Variants in ARID1A observed in about 807,000 individuals in gnomAD.
The protein encoded by ARID1A is AT-rich interactive domain-containing protein 1A.
In ARID1A, 20 loss-of-function variants were observed where a neutral mutation model predicts 212.6. The ratio of observed to expected loss-of-function variants is 0.09; its 90% CI spans 0.07 to 0.14. ARID1A has a LOEUF of 0.14. ARID1A is among the 10% of genes least tolerant of loss of function. The pLI is 1.00. For synonymous variants in ARID1A, 1,376 were observed against 1,222.1 expected, an observed-to-expected ratio of 1.13 and a Z score of -2.63; for missense variants, 2,587 against 3,059.0, an observed-to-expected ratio of 0.85 and a Z score of 3.64.
chr1:26,697,165 C>T lies in ARID1A; in HGVS notation c.762C>T (p.Ser254=), dbSNP rs1190095870. 5.6e-6 allele frequency: 8 copies of T among 1,435,802 alleles called. No individual in the cohort carries two copies. The highest frequency in any genetic ancestry group is 4.5e-5 in the African/African-American group (3 of 66,742). The allele number at this position is 1,435,802 out of a possible 1,614,324, so 88.9% of individuals were successfully genotyped here. The change falls in exon 1 of 20, where the codon TCC becomes TCT. Residue 254 remains serine, a synonymous_variant. Coordinates refer to ENST00000324856, the MANE Select transcript of ARID1A (RefSeq NM_006015.6). ...AAAAGSKPPP[S]SSASASSSSS... The stretch of plus-strand genomic sequence containing the variant: ...CTGCCGGCTCCAAGCCGCCTCCCTC[C>T]TCCAGCGCCTCCGCCTCCTCGTCGT...
In ARID1A at chr1:26,696,175, C is replaced by T. The variant is rs956507618; in HGVS notation, c.-229C>T. Reference sequence around the variant, plus strand: ...GAGCCGGGAGCAGCTGAGCCGCCGGCGCCTCGGCCGCCGCCGCCGCCTCCT... The same window carrying T: ...GAGCCGGGAGCAGCTGAGCCGCCGGTGCCTCGGCCGCCGCCGCCGCCTCCT... On this transcript the variant is annotated 5_prime_UTR_variant, in exon 1 of 20. Coordinates refer to ENST00000324856, the MANE Select transcript of ARID1A (RefSeq NM_006015.6). 2 of 563,582 alleles carry T rather than the reference C, an allele frequency of 3.5e-6. No homozygotes were observed. The highest frequency in any genetic ancestry group is 4.9e-6 in the Non-Finnish European group (2 of 406,312). 34.9% of individuals were successfully genotyped at this position (563,582 alleles called of 1,614,324 possible).
At chr1:26,715,036 A>C (rs2080488698) in intron 1 of ARID1A, among the ~76,000 whole-genome samples, 1 of 152,224 alleles carries the variant, frequency 6.6e-6, no homozygotes, top group Admixed American at 6.5e-5. Flanking sequence ...ACTATGTATT[A>C]GAGAAATTTA....
At chr1:26,756,564 T>TAAA (rs59135556) in intron 4 of ARID1A, among the ~76,000 whole-genome samples, 2 of 129,858 alleles carry the variant, frequency 1.5e-5, no homozygotes, top group East Asian at 2.1e-4. Context: ...CCTGTCTCTT[T>TAAA]AAAAAAAAAA....
intron 4 of ARID1A, among the ~76,000 whole-genome samples, chr1:26,743,145 C>G (rs2080804135): frequency 6.6e-6 from 1 of 152,220 alleles, no homozygotes; most frequent in South Asian, 2.1e-4. Context: ...CATAGTGGAG[C>G]CATCCACAGC....
chr1:26,771,157 C>T lies in ARID1A; in HGVS notation c.3237C>T (p.Asn1079=), dbSNP rs771146935. 1 of 1,614,154 alleles carries T rather than the reference C, an allele frequency of 6.2e-7. No individual in the cohort carries two copies. Among genetic ancestry groups the T allele is most frequent in the South Asian group, 1.1e-5 (1 of 91,084 alleles). The part of the protein sequence containing the change: ...KNKKWRELAT[N]LNVGTSSSAA... ...AAAAATGGCGGGAACTTGCAACCAA[C>T]CTCAATGTGGGCACATCAAGCAGTG... is the stretch of plus-strand genomic sequence containing the variant. Residue 1079 remains asparagine, a synonymous_variant, in exon 12 of 20, where the codon AAC becomes AAT. Transcript: ENST00000324856. This position sits in a 1 kb window ranked among gnomAD's most constrained non-coding sequence, Gnocchi z 5.4.
At chr1:26,700,144 T>G (rs1278949134) in intron 1 of ARID1A, among the ~76,000 whole-genome samples, 1 of 152,178 alleles carries the variant, frequency 6.6e-6, no homozygotes, top group Non-Finnish European at 1.5e-5. Context: ...GCTTCAGGTG[T>G]GTGGTAGTAG....
Position 26,697,484 on chromosome 1 carries a change from C to A in ARID1A, c.1081C>A (p.Pro361Thr). 7.1e-7 allele frequency: 1 copy of A among 1,405,630 alleles called. No individual in the cohort carries two copies. Among genetic ancestry groups the A allele is most frequent in the South Asian group, 1.5e-5 (1 of 65,706 alleles). 87.1% of individuals were successfully genotyped at this position (1,405,630 alleles called of 1,614,324 possible). The change falls in exon 1 of 20, where the codon CCC becomes ACC. Residue 361 changes from proline (P) to threonine (T), a missense_variant. Transcript: ENST00000324856. ...GGCCCAACAAAGGAGCCACCACGCGCCCATGAGCCCCGGGAGCAGCGGCGG... is the reference window on the plus strand; with the variant it reads ...GGCCCAACAAAGGAGCCACCACGCGACCATGAGCCCCGGGAGCAGCGGCGG... ...GGAQQRSHHAPMSPGSSGGGG... is the reference protein window; with the variant it reads ...GGAQQRSHHATMSPGSSGGGG...
chr1:26,698,798 T>G (rs1418395193), intron 1 of ARID1A, among the ~76,000 whole-genome samples: 1 of 152,194 alleles, frequency 6.6e-6, no homozygotes. Flanking sequence ...TTTTATTGAG[T>G]GGCAAATGTG....
intron 1 of ARID1A, among the ~76,000 whole-genome samples, chr1:26,723,778 A>G (rs988611840): frequency 2.6e-5 from 4 of 152,070 alleles, no homozygotes; most frequent in African/African-American, 9.7e-5. Flanking sequence ...GGATCACAGT[A>G]CACTGGCCCC....
In ARID1A at chr1:26,696,958, G is replaced by A. The variant is rs777021283; in HGVS notation, c.555G>A (p.Gln185=). Residue 185 remains glutamine, a synonymous_variant, in exon 1 of 20, where the codon CAG becomes CAA. Transcript: ENST00000324856. The stretch of plus-strand genomic sequence containing the variant: ...AAAGCCCTGGCCTGGCAGCGCTGCA[G>A]AGCGGCGGCGGCGGGGGCCTGGAGC... ...GQQSPGLAAL[Q]SGGGGGLEPY... 6.8e-6 allele frequency: 10 copies of A among 1,473,502 alleles called. No homozygotes were observed. The highest frequency in any genetic ancestry group is 8.9e-6 in the Non-Finnish European group (10 of 1,118,510). 91.3% of individuals were successfully genotyped at this position (1,473,502 alleles called of 1,614,324 possible). A position where few individuals can be genotyped will look rare whatever the true frequency, so the allele number is the denominator to read the frequency against.
At position 26,731,453 on chromosome 1, in the gene ARID1A, A is replaced by G. The variant is rs765337524; in HGVS notation, c.1652A>G (p.Tyr551Cys). Residue 551 changes from tyrosine to cysteine, a missense_variant, in exon 3 of 20, where the codon TAC becomes TGC. By Grantham distance (194) the Tyr-to-Cys change is radical. Around this residue, in one of 11 missense-constraint regions of ARID1A, gnomAD observed 674 missense variants for 813.4 expected, o/e 0.83. Transcript: ENST00000324856. ...TQQHPQSQPPYSQPQAQSPYQ... is the reference protein window; with the variant it reads ...TQQHPQSQPPCSQPQAQSPYQ... ...CAGCACCCCCAGAGCCAGCCCCCCT[A>G]CTCACAGCCACAGGCTCAGTCTCCT... 1 of 1,612,368 alleles carries G rather than the reference A, an allele frequency of 6.2e-7. No individual in the cohort carries two copies. The highest frequency in any genetic ancestry group is 1.7e-5 in the Admixed American group (1 of 59,842).
At chr1:26,749,159 C>T (rs1468217457) in intron 4 of ARID1A, among the ~76,000 whole-genome samples, 1 of 151,492 alleles carries the variant, frequency 6.6e-6, no homozygotes, top group African/African-American at 2.4e-5. Context: ...AGCGAGACTC[C>T]GTCTCAAAAA....
At position 26,771,465 on chromosome 1, in the gene ARID1A, C is replaced by G. The variant is rs2081082168; in HGVS notation, c.3406+139C>G. On this transcript the variant is annotated intron_variant, in intron 12 of 19. Coordinates refer to ENST00000324856, the MANE Select transcript of ARID1A (RefSeq NM_006015.6). This position sits in a 1 kb window ranked among gnomAD's most constrained non-coding sequence, Gnocchi z 5.4. ...TGCCTTGCCCTACCACAGGGCTTAA[C>G]AGGTTGGCTGACTAGAGAGTGGGCA... 2.1e-6 allele frequency: 2 copies of G among 937,184 alleles called. No individual in the cohort carries two copies. The highest frequency in any genetic ancestry group is 3.2e-6 in the Non-Finnish European group (2 of 631,514). The allele number at this position is 937,184 out of a possible 1,614,324, so 58.1% of individuals were successfully genotyped here. A position where few individuals can be genotyped will look rare whatever the true frequency, so the allele number is the denominator to read the frequency against.
chr1:26,703,309 A>G (rs2080348515), intron 1 of ARID1A, among the ~76,000 whole-genome samples: 1 of 152,162 alleles, frequency 6.6e-6, no homozygotes, highest in African/African-American at 2.4e-5. Flanking sequence ...CATTCTTTTT[A>G]TGGAAGAAGA....
chr1:26,739,873 C>T (rs891841229), intron 4 of ARID1A, among the ~76,000 whole-genome samples: 32 of 151,648 alleles, frequency 2.1e-4, no homozygotes, highest in Non-Finnish European at 3.7e-4. Context: ...TTTGTTTTTT[C>T]GGGTCCCTGT....
chr1:26,696,762 C>T lies in ARID1A; in HGVS notation c.359C>T (p.Pro120Leu), dbSNP rs1014331186. The T allele has an allele frequency of 9.6e-6, 13 of 1,349,490 alleles. No individual in the cohort carries two copies. The highest frequency in any genetic ancestry group is 7.8e-5 in the South Asian group (4 of 51,394). 83.6% of individuals were successfully genotyped at this position (1,349,490 alleles called of 1,614,324 possible). The stretch of plus-strand genomic sequence containing the variant: ...GCCCTGAACAATAACCTCACGGAGC[C>T]GCCCGGCGGCGGCGGTGGCGGCAGC... ...RPALNNNLTE[P>L]PGGGGGGSSD... Residue 120 changes from proline (P) to leucine (L), a missense_variant, in exon 1 of 20, where the codon CCG (proline) becomes CTG (leucine). This residue lies in a region of ARID1A where 735 missense variants were observed against 590.6 expected (regional missense o/e 1.24). Transcript: ENST00000324856.
At chr1:26,773,524 T>TC (rs753819042) in intron 15 of ARID1A, 28 bp downstream of exon 15, 5 of 1,613,024 alleles carry the variant, frequency 3.1e-6, no homozygotes, top group African/African-American at 2.7e-5. Context: ...TCCTGTCCAC[T>TC]CCCCCAGCAC....
intron 4 of ARID1A, among the ~76,000 whole-genome samples, chr1:26,739,313 A>G (rs372040345): frequency 6.6e-6 from 1 of 152,238 alleles, no homozygotes; most frequent in African/African-American, 2.4e-5. Flanking sequence ...GAGGTTAGCT[A>G]GTGCTTCACA....
rs1308190252 is a variant in ARID1A at position 26,696,734 on chromosome 1, C to T, written c.331C>T (p.Pro111Ser). The stretch of plus-strand genomic sequence containing the variant: ...CTCGAACGGGAACGCGGGCCCTAGG[C>T]CCGCCCTGAACAATAACCTCACGGA... ...KNSNGNAGPR[P>S]ALNNNLTEPP... The change falls in exon 1 of 20, where the codon CCC (proline) becomes TCC (serine). Residue 111 changes from proline (P) to serine (S), a missense_variant. Pro to Ser is a moderately conservative substitution (Grantham distance 74). Around this residue, in one of 11 missense-constraint regions of ARID1A, gnomAD observed 735 missense variants for 590.6 expected, o/e 1.24. Coordinates refer to ENST00000324856, the MANE Select transcript of ARID1A (RefSeq NM_006015.6). The T allele has an allele frequency of 7.3e-7, 1 of 1,377,000 alleles. No homozygotes were observed. The highest frequency in any genetic ancestry group is 9.4e-7 in the Non-Finnish European group (1 of 1,067,136). 85.3% of individuals were successfully genotyped at this position (1,377,000 alleles called of 1,614,324 possible). A position where few individuals can be genotyped will look rare whatever the true frequency, so the allele number is the denominator to read the frequency against.
Sources: gnomAD v4.1 joint callset for allele counts (sites outside exome capture counted in the v4.1 genomes callset) on GRCh38, gnomAD v4.1.1 for gene constraint, gnomAD v4.1.1 regional missense constraint, Gnocchi (gnomAD v3.1) non-coding constraint, MANE v1.5 for transcripts, NCBI Gene and HGNC (gene_info 2026-07-23, HGNC 2026-07-21) for gene names.